The following ZNF532 variants were observed in gnomAD, a reference collection of about 807,000 sequenced individuals.
The protein encoded by ZNF532 is zinc finger protein 532.
In ZNF532, 22 loss-of-function variants were observed where a neutral mutation model predicts 89.3. The ratio of observed to expected loss-of-function variants is 0.25; its 90% CI spans 0.18 to 0.35. The LOEUF (loss-of-function observed/expected upper bound fraction) is 0.35. Ranked by LOEUF, ZNF532 falls within the 10% of genes least tolerant of loss-of-function variation. ZNF532 has a pLI of 1.00. For missense variants in ZNF532, 1,132 were observed against 1,643.4 expected (o/e 0.69, Z 5.38); for synonymous variants, 606 against 649.6 (o/e 0.93, Z 1.02).
chr18:58,955,534 A>G (rs972143641), intron 7 of ZNF532, among the ~76,000 whole-genome samples: 2 of 152,252 alleles, frequency 1.3e-5, no homozygotes, highest in East Asian at 1.9e-4. Flanking sequence ...AGTTTGCTCT[A>G]TTAAATGTGC....
chr18:58,881,035 T>C (rs1306665558), intron 2 of ZNF532, among the ~76,000 whole-genome samples: 1 of 152,122 alleles, frequency 6.6e-6, no homozygotes, highest in Non-Finnish European at 1.5e-5. Flanking sequence ...GGTTACACAG[T>C]GGTCTAATTT....
chr18:58,923,273 A>T (rs1259318071), intron 3 of ZNF532, among the ~76,000 whole-genome samples: 1 of 151,350 alleles, frequency 6.6e-6, no homozygotes, highest in Non-Finnish European at 1.5e-5. Flanking sequence ...AGCAGTGTGA[A>T]AAGGCCCCAT....
intron 2 of ZNF532, among the ~76,000 whole-genome samples, chr18:58,915,497 G>A (rs2060538965): frequency 1.3e-5 from 2 of 152,184 alleles, no homozygotes. Flanking sequence ...CCCCTTGAGG[G>A]GTTTGCAGGC....
chr18:58,914,403 C>T (rs1178839573), intron 2 of ZNF532, among the ~76,000 whole-genome samples: 2 of 152,196 alleles, frequency 1.3e-5, no homozygotes, highest in African/African-American at 2.4e-5. Context: ...GACCATTGGC[C>T]AGGCGTGGTG....
intron 3 of ZNF532, among the ~76,000 whole-genome samples, chr18:58,922,187 C>CT (rs2061155600): frequency 6.6e-6 from 1 of 152,052 alleles, no homozygotes; most frequent in African/African-American, 2.4e-5. Context: ...TCAAACATCT[C>CT]TATAAAGATT....
At chr18:58,891,925 C>A (rs886093968) in intron 2 of ZNF532, among the ~76,000 whole-genome samples, 1 of 152,110 alleles carries the variant, frequency 6.6e-6, no homozygotes, top group Non-Finnish European at 1.5e-5. Flanking sequence ...TCCTTCAGGC[C>A]AAGATCCTTT....
chr18:58,962,751 A>T, intron 7 of ZNF532, among the ~76,000 whole-genome samples: 1 of 152,030 alleles, frequency 6.6e-6, no homozygotes, highest in Non-Finnish European at 1.5e-5. Flanking sequence ...ACAGGCGCCC[A>T]CCACCACGCC....
intron 2 of ZNF532, among the ~76,000 whole-genome samples, chr18:58,910,500 TTCA>T (rs2060212842): frequency 6.6e-6 from 1 of 152,130 alleles, no homozygotes; most frequent in Non-Finnish European, 1.5e-5. Flanking sequence ...AGAGTCTCGC[TTCA>T]TCACTCAGGC....
rs139001881 is a variant in ZNF532, at chr18:58,984,311, A to G, written c.3751A>G (p.Ser1251Gly). The change falls in exon 10 of 10, where the codon AGC becomes GGC. Residue 1251 changes from serine (S) to glycine (G), a missense_variant. Coordinates refer to ENST00000591808, the MANE Select transcript of ZNF532 (RefSeq NM_001375912.1). ...AGATAACCAACAGGAGAACAAACCC[A>G]GCCACGAGGATGAATCCCCTGATGG... ...GEDNQQENKPSHEDESPDGAV... is the reference protein window; with the variant it reads ...GEDNQQENKPGHEDESPDGAV... 6 of 1,611,876 alleles carry G rather than the reference A, an allele frequency of 3.7e-6. No homozygotes were observed. The African/African-American group carries it at 6.7e-5, about 18-fold the overall frequency.
chr18:58,981,342 GGTGTGAACTCAGCTTATTGGACCTGTCT>G (rs1777262751), intron 8 of ZNF532, 100 bp from the exon 9 acceptor site: 7 of 1,221,000 alleles, frequency 5.7e-6, no homozygotes, highest in Non-Finnish European at 8.1e-6. Context: ...GTTGAACCAT[GGTGTGAACTCAGCTTATTGGACCTGTCT>G]GTGTGAACTG....
At chr18:58,943,472 T>C (rs1403753586) in intron 5 of ZNF532, among the ~76,000 whole-genome samples, 2 of 148,788 alleles carry the variant, frequency 1.3e-5, no homozygotes, top group Admixed American at 6.7e-5. Context: ...TTTTTTTTTT[T>C]CCTTTTTTTG....
chr18:58,942,612 C>T (rs2063290772), intron 5 of ZNF532, among the ~76,000 whole-genome samples: 1 of 151,956 alleles, frequency 6.6e-6, no homozygotes, highest in African/African-American at 2.4e-5. Flanking sequence ...CTGTTGGGCC[C>T]AGTAGGCCTG....
rs1555704786 is a variant in ZNF532 at position 58,880,771 on chromosome 18, C to CGT, written c.-18+15193_-18+15194dup. Among the ~76,000 whole-genome samples the CGT allele has an allele frequency of 3.3e-3, 478 of 145,372 alleles. 6 individuals are homozygous for CGT. The highest frequency in any genetic ancestry group is 0.011 in the African/African-American group (443 of 39,552). ...TCATAGGCGCGCGCGCACGCGCGCG[C>CGT]GTCTGTGTGTGTGTGTGTATGTTTG... On this transcript the variant is annotated intron_variant, in intron 2 of 9. Coordinates refer to ENST00000591808, the MANE Select transcript of ZNF532 (RefSeq NM_001375912.1).
At position 58,924,570 on chromosome 18, in the gene ZNF532, C is replaced by A. The variant is rs190785081; in HGVS notation, c.2346+3937C>A. 6.6e-5 allele frequency among the ~76,000 whole-genome samples: 10 copies of A among 152,272 alleles called. No individual in the cohort carries two copies. In the East Asian group the frequency reaches 1.9e-3, roughly 29 times the overall value. On this transcript the variant is annotated intron_variant, in intron 3 of 9. Coordinates refer to ENST00000591808, the MANE Select transcript of ZNF532 (RefSeq NM_001375912.1). ...AGGTATGACTTCATTAGCGGAGGGA[C>A]CTCCTTCCCTTTTTCTTTTGAGATA... is the stretch of plus-strand genomic sequence containing the variant.
chr18:58,951,735 C>T (rs1312151799), intron 6 of ZNF532, among the ~76,000 whole-genome samples: 1 of 146,820 alleles, frequency 6.8e-6, no homozygotes, highest in African/African-American at 2.5e-5. Flanking sequence ...CTGCAAGCTC[C>T]GCCTCCCGGG....
chr18:58,910,301 G>C (rs1262567812), intron 2 of ZNF532, among the ~76,000 whole-genome samples: 1 of 152,058 alleles, frequency 6.6e-6, no homozygotes, highest in Non-Finnish European at 1.5e-5. Flanking sequence ...TCATAATTTT[G>C]TTTTCTGAGT....
chr18:58,941,955 C>CCTCCCTCTCTCCCTCT (rs201644710), intron 5 of ZNF532, among the ~76,000 whole-genome samples: 3 of 133,130 alleles, frequency 2.3e-5, no homozygotes, highest in Non-Finnish European at 5.0e-5. Flanking sequence ...TCCTTTCCTC[C>CCTCCCTCTCTCCCTCT]CTCCCTCTCT....
intron 2 of ZNF532, among the ~76,000 whole-genome samples, chr18:58,884,193 A>G (rs750693539): frequency 1.3e-5 from 2 of 152,274 alleles, no homozygotes; most frequent in Non-Finnish European, 2.9e-5. Context: ...AGCCTGGCCA[A>G]TATGGTGAAA....
In ZNF532 at chr18:58,939,571, A is replaced by T; in HGVS notation, c.2655A>T (p.Thr885=). 1 of 1,614,140 alleles carries T rather than the reference A, an allele frequency of 6.2e-7. No individual in the cohort carries two copies. The highest frequency in any genetic ancestry group is 8.5e-7 in the Non-Finnish European group (1 of 1,180,032). Residue 885 remains threonine, a synonymous_variant, in exon 5 of 10, where the codon ACA becomes ACT. Transcript: ENST00000591808. ...CPMAFKSAPS[T]HSHAYTQHPG... ...TGGCGTTTAAGTCTGCCCCAAGCAC[A>T]CATTCCCACGCCTACACACAGCATC...
Sources: allele counts gnomAD v4.1 joint callset (sites outside exome capture counted in the v4.1 genomes callset), GRCh38; gene constraint gnomAD v4.1.1; transcripts MANE v1.5; gene names NCBI Gene and HGNC (gene_info 2026-07-23, HGNC 2026-07-21).